The following CFAP47 variants were observed in gnomAD, a reference collection of about 807,000 sequenced individuals.
CFAP47 encodes cilia and flagella associated protein 47.
A neutral mutation model predicts 148.1 loss-of-function variants in CFAP47; 29 were observed. The observed-to-expected ratio is 0.20, with a 90% confidence interval of 0.15 to 0.27. The LOEUF is 0.27. Among genes scored for constraint, CFAP47 ranks in the 10% least tolerant of loss-of-function variants. The pLI is 1.00. For missense variants in CFAP47, 1,872 were observed against 1,697.5 expected, an observed-to-expected ratio of 1.10 and a Z score of -1.81; for synonymous variants, 664 against 577.3, an observed-to-expected ratio of 1.15 and a Z score of -2.15.
At chrX:36,354,365 C>T (rs1473521743) in intron 60 of CFAP47, among the ~76,000 whole-genome samples, 1 of 106,820 alleles carries the variant, frequency 9.4e-6, no homozygotes, top group East Asian at 2.9e-4. Context: ...CCTGTAATCT[C>T]AGCTTCTTGG....
chrX:36,191,751 A>G (rs1939867634), intron 42 of CFAP47, among the ~76,000 whole-genome samples: 1 of 111,102 alleles, frequency 9.0e-6, no homozygotes. Context: ...TGGGAAGCCA[A>G]GGTGGGCAGA....
chrX:36,230,915 A>G (rs1398697806), intron 46 of CFAP47, among the ~76,000 whole-genome samples: 2 of 105,364 alleles, frequency 1.9e-5, no homozygotes, highest in East Asian at 5.9e-4. Context: ...AAGATCAGAT[A>G]GTTGTAGATA....
intron 3 of CFAP47, among the ~76,000 whole-genome samples, chrX:35,948,027 T>C (rs1273350049): frequency 8.9e-6 from 1 of 111,863 alleles, no homozygotes; most frequent in Non-Finnish European, 1.9e-5. Context: ...TTGGCTTCCC[T>C]GAGCTACGTT....
At chrX:36,074,896 A>G (rs1252619140) in intron 29 of CFAP47, among the ~76,000 whole-genome samples, 3 of 111,124 alleles carry the variant, frequency 2.7e-5, no homozygotes, top group Non-Finnish European at 5.7e-5. Flanking sequence ...TCATCTTTCT[A>G]TGCCTGGCTT....
At chrX:36,118,467 A>T (rs6527537) in intron 33 of CFAP47, among the ~76,000 whole-genome samples, 16,233 of 109,553 alleles carry the variant, frequency 0.15, 2,570 homozygotes, top group African/African-American at 0.47. Flanking sequence ...TCTTTTAATT[A>T]ATTTATTTAT....
intron 16 of CFAP47, chrX:35,989,811 C>T (rs1271278181): frequency 4.7e-6 from 1 of 214,752 alleles, no homozygotes; most frequent in East Asian, 8.3e-5. Context: ...CCAAATTTCC[C>T]ACTCAATGTT....
chrX:36,088,530 CTT>C (rs746468989), intron 30 of CFAP47, among the ~76,000 whole-genome samples: 1 of 110,983 alleles, frequency 9.0e-6, no homozygotes, highest in Non-Finnish European at 1.9e-5. Context: ...CTCTCTCTCT[CTT>C]TCTCATTATA....
At chrX:36,009,446 T>C (rs1026942064) in intron 21 of CFAP47, among the ~76,000 whole-genome samples, 4 of 112,114 alleles carry the variant, frequency 3.6e-5, no homozygotes, top group Non-Finnish European at 7.5e-5. Context: ...TGTTGTTTTT[T>C]CTTATCTATG....
Position 36,356,066 on chromosome X carries a change from T to C in CFAP47, c.8851+2385T>C, listed in dbSNP as rs782436146. Among the ~76,000 whole-genome samples the C allele has an allele frequency of 9.8e-5, 11 of 111,996 alleles. No individual in the cohort carries two copies. In the South Asian group the frequency reaches 4.1e-3, roughly 42 times the overall value. Reference sequence around the variant, plus strand: ...AGATAATCAGGGTCTTGAAAGAAGCTACCAACATCATTTTGGGAACTTTGA... The same window carrying C: ...AGATAATCAGGGTCTTGAAAGAAGCCACCAACATCATTTTGGGAACTTTGA... On this transcript the variant is annotated intron_variant, in intron 60 of 63. Transcript: ENST00000378653.
intron 15 of CFAP47, among the ~76,000 whole-genome samples, chrX:35,982,403 G>A (rs1936658448): frequency 9.0e-6 from 1 of 111,426 alleles, no homozygotes; most frequent in Admixed American, 9.5e-5. Context: ...TTCCCATTCT[G>A]TAGGTTGTAT....
chrX:36,368,169 A>C (rs1220077987), intron 62 of CFAP47: 1 of 111,961 alleles, frequency 8.9e-6, no homozygotes, highest in Non-Finnish European at 1.9e-5. Flanking sequence ...ATCTGAGCAA[A>C]CCAGCACCTA....
intron 60 of CFAP47, among the ~76,000 whole-genome samples, chrX:36,356,206 T>C (rs1404175530): frequency 9.0e-6 from 1 of 111,546 alleles, no homozygotes; most frequent in Non-Finnish European, 1.9e-5. Context: ...GTATTTACTA[T>C]TGAAAATAAC....
At chrX:35,947,935 G>A (rs1328017863) in intron 3 of CFAP47, among the ~76,000 whole-genome samples, 1 of 111,487 alleles carries the variant, frequency 9.0e-6, no homozygotes, top group Non-Finnish European at 1.9e-5. Context: ...TATTTGTTGG[G>A]TGACCTCAGA....
chrX:36,335,146 T>C (rs1257453214), intron 57 of CFAP47, among the ~76,000 whole-genome samples: 2 of 111,116 alleles, frequency 1.8e-5, no homozygotes, highest in African/African-American at 6.5e-5. Context: ...CAAAACAAAA[T>C]AACTCTCTCT....
intron 40 of CFAP47, among the ~76,000 whole-genome samples, chrX:36,180,259 TG>T (rs1939735058): frequency 1.3e-4 from 3 of 22,251 alleles, no homozygotes; most frequent in Non-Finnish European, 9.2e-4. Context: ...TTAAAAAAAT[TG>T]ATTGTTTTAT....
chrX:35,965,073 A>G (rs1370628687), intron 8 of CFAP47, among the ~76,000 whole-genome samples: 4 of 111,482 alleles, frequency 3.6e-5, no homozygotes, highest in African/African-American at 6.5e-5. Flanking sequence ...GGCATTGTAC[A>G]TAATATAACT....
intron 63 of CFAP47, among the ~76,000 whole-genome samples, chrX:36,384,480 T>C (rs1942109086): frequency 8.9e-6 from 1 of 112,682 alleles, no homozygotes; most frequent in African/African-American, 3.2e-5. Flanking sequence ...TCTTGGAAGG[T>C]ACTATTTCCA....
intron 57 of CFAP47, among the ~76,000 whole-genome samples, chrX:36,327,079 T>C (rs915455397): frequency 2.0e-5 from 2 of 101,499 alleles, no homozygotes; most frequent in African/African-American, 7.4e-5. Context: ...CCAGAATCCA[T>C]TGCAAAAAAA....
chrX:36,209,217 C>T (rs1469189806), intron 45 of CFAP47, among the ~76,000 whole-genome samples: 2 of 111,510 alleles, frequency 1.8e-5, no homozygotes, highest in Non-Finnish European at 3.8e-5. Context: ...AAGTATGAGT[C>T]GGTTAATTTT....
Sources: allele counts gnomAD v4.1 joint callset (sites outside exome capture counted in the v4.1 genomes callset), GRCh38; gene constraint gnomAD v4.1.1; transcripts MANE v1.5; gene names NCBI Gene and HGNC (gene_info 2026-07-23, HGNC 2026-07-21).